Variants in NRXN3 observed in about 807,000 individuals in gnomAD.
The protein encoded by NRXN3 is neurexin III.
A neutral mutation model predicts 137.6 loss-of-function variants in NRXN3; 32 were observed. The observed-to-expected ratio is 0.23, with a 90% CI of 0.18 to 0.31. The LOEUF is 0.31. NRXN3 is among the 10% of genes least tolerant of loss of function. The pLI is 1.00. For synonymous variants in NRXN3, 798 were observed against 784.5 expected (o/e 1.02, Z -0.29); for missense variants, 1,574 against 2,062.5 (o/e 0.76, Z 4.59).
chr14:79,348,349 G>T (rs2093003218), intron 15 of NRXN3, among the ~76,000 whole-genome samples: 1 of 150,780 alleles, frequency 6.6e-6, no homozygotes, highest in African/African-American at 2.4e-5. Context: ...TAAATTTTTT[G>T]GTAGTTAGTT....
At chr14:78,695,404 T>G (rs894136305) in intron 6 of NRXN3, 4 of 152,082 alleles carry the variant, frequency 2.6e-5, no homozygotes, top group African/African-American at 9.7e-5. Context: ...GTGCTTGATC[T>G]TCTAAGAACA....
intron 19 of NRXN3, among the ~76,000 whole-genome samples, chr14:79,701,818 T>C (rs2098755684): frequency 6.6e-6 from 1 of 151,992 alleles, no homozygotes; most frequent in African/African-American, 2.4e-5. Context: ...TATTATAAAG[T>C]AGGGAGGGTG....
At chr14:78,899,900 A>G (rs1327567953) in intron 10 of NRXN3, among the ~76,000 whole-genome samples, 2 of 152,018 alleles carry the variant, frequency 1.3e-5, no homozygotes, top group African/African-American at 2.4e-5. Context: ...CTCTGATGAG[A>G]TAACGTGGAG....
rs530617140 is a variant in NRXN3, at chr14:79,467,354, C to A, written c.3396C>A (p.Val1132=). Residue 1132 remains valine, a synonymous_variant, in exon 16 of 21, where the codon GTC becomes GTA. Coordinates refer to ENST00000335750, the MANE Select transcript of NRXN3 (RefSeq NM_001330195.2). ...CCACTGTGAAGGATGGCATCTTGGT[C>A]CGCATCGACAGTGCTCCAGGACTTG... ...FSTTVKDGIL[V]RIDSAPGLGD... 1 of 1,612,456 alleles carries A rather than the reference C, an allele frequency of 6.2e-7. No homozygotes were observed. The highest frequency in any genetic ancestry group is 8.5e-7 in the Non-Finnish European group (1 of 1,178,694).
chr14:79,533,980 C>T (rs1204889108), intron 16 of NRXN3, among the ~76,000 whole-genome samples: 1 of 152,166 alleles, frequency 6.6e-6, no homozygotes, highest in East Asian at 1.9e-4. Flanking sequence ...AAATGTACTC[C>T]TTAACTTTGA....
At chr14:79,236,773 G>A (rs567633777) in intron 15 of NRXN3, among the ~76,000 whole-genome samples, 9 of 152,090 alleles carry the variant, frequency 5.9e-5, no homozygotes, top group African/African-American at 2.2e-4. Flanking sequence ...TAATTAGCCA[G>A]GCATGGTGGC....
intron 4 of NRXN3, among the ~76,000 whole-genome samples, chr14:78,334,102 G>A (rs535386199): frequency 6.6e-6 from 1 of 152,290 alleles, no homozygotes; most frequent in South Asian, 2.1e-4. Context: ...AGCAAGATGG[G>A]GAAGACTGGA....
intron 8 of NRXN3, among the ~76,000 whole-genome samples, chr14:78,716,989 A>G (rs140688174): frequency 7.0e-4 from 107 of 152,250 alleles, no homozygotes; most frequent in Admixed American, 2.0e-3. Context: ...TTGTAGGGTA[A>G]CCTACCCTGG....
chr14:79,406,720 A>G (rs1158478906), intron 15 of NRXN3, among the ~76,000 whole-genome samples: 2 of 152,216 alleles, frequency 1.3e-5, no homozygotes, highest in Non-Finnish European at 2.9e-5. Context: ...AATTAAGGAG[A>G]AAAAAATCAT....
chr14:79,438,958 C>A (rs1413106832), intron 15 of NRXN3, among the ~76,000 whole-genome samples: 1 of 152,212 alleles, frequency 6.6e-6, no homozygotes. Flanking sequence ...CAGTTTCTAC[C>A]CTGATGTTTG....
intron 16 of NRXN3, among the ~76,000 whole-genome samples, chr14:79,513,183 C>T: frequency 6.6e-6 from 1 of 152,206 alleles, no homozygotes; most frequent in East Asian, 1.9e-4. Flanking sequence ...GGTGTTCAAA[C>T]ATTGGAAAGC....
At chr14:79,712,055 A>G (rs1003951613) in intron 19 of NRXN3, among the ~76,000 whole-genome samples, 4 of 152,136 alleles carry the variant, frequency 2.6e-5, no homozygotes, top group African/African-American at 2.4e-5. Flanking sequence ...GTTTTCTGAA[A>G]ACGCAGCTGA....
At chr14:78,577,275 C>A (rs2096945330) in intron 4 of NRXN3, among the ~76,000 whole-genome samples, 1 of 152,122 alleles carries the variant, frequency 6.6e-6, no homozygotes, top group Non-Finnish European at 1.5e-5. Context: ...TCATTATTCC[C>A]AGAATATTGG....
intron 15 of NRXN3, among the ~76,000 whole-genome samples, chr14:79,216,269 G>C (rs1368582537): frequency 6.6e-5 from 10 of 152,194 alleles, no homozygotes; most frequent in Non-Finnish European, 1.2e-4. Flanking sequence ...GCTTCTGAGA[G>C]AGAAGTCCTG....
intron 15 of NRXN3, among the ~76,000 whole-genome samples, chr14:79,311,719 C>T (rs1388677352): frequency 2.2e-5 from 2 of 90,934 alleles, no homozygotes; most frequent in Non-Finnish European, 4.3e-5. Flanking sequence ...AGTTTATTTG[C>T]GTAGAGGTGT....
At chr14:78,481,377 AT>A (rs1486259235) in intron 4 of NRXN3, among the ~76,000 whole-genome samples, 1 of 152,074 alleles carries the variant, frequency 6.6e-6, no homozygotes, top group Non-Finnish European at 1.5e-5. Context: ...CATGTTTCGG[AT>A]TTCCTTCTAC....
At chr14:78,926,402 TG>T (rs1158633754) in intron 10 of NRXN3, among the ~76,000 whole-genome samples, 1 of 150,944 alleles carries the variant, frequency 6.6e-6, no homozygotes. Flanking sequence ...ACTGAAACTG[TG>T]GAAAGCAAAA....
At chr14:79,666,327 G>A (rs1388800649) in intron 17 of NRXN3, among the ~76,000 whole-genome samples, 1 of 152,054 alleles carries the variant, frequency 6.6e-6, no homozygotes, top group Non-Finnish European at 1.5e-5. Context: ...TGAAGATTAA[G>A]TGAGTTGACC....
intron 16 of NRXN3, among the ~76,000 whole-genome samples, chr14:79,528,371 A>G (rs766055370): frequency 6.6e-6 from 1 of 152,194 alleles, no homozygotes; most frequent in Non-Finnish European, 1.5e-5. Context: ...ACATACTTCA[A>G]TCTAATATTT....
Sources: allele counts gnomAD v4.1 joint callset (sites outside exome capture counted in the v4.1 genomes callset), GRCh38; gene constraint gnomAD v4.1.1; transcripts MANE v1.5; gene names NCBI Gene and HGNC (gene_info 2026-07-23, HGNC 2026-07-21).